GLMN: variants seen among roughly 807,000 people sequenced by gnomAD.
GLMN encodes the protein glomulin, FKBP associated protein, also known as glomulin.
A neutral mutation model predicts 87.8 loss-of-function variants in GLMN; 75 were observed. That is an observed-to-expected ratio of 0.85 (90% confidence interval 0.71 to 1.04). The LOEUF (loss-of-function observed/expected upper bound fraction) is 1.04, where lower values mean the gene tolerates loss of function less well. Among genes scored for constraint, GLMN ranks in the 50% least tolerant of loss-of-function variants. GLMN has a pLI of 0.00. For missense variants in GLMN, 588 were observed against 658.8 expected (o/e 0.89, Z 1.18); for synonymous variants, 206 against 221.6 (o/e 0.93, Z 0.63).
chr1:92,277,647 C>G (rs1206996906), intron 7 of GLMN, among the ~76,000 whole-genome samples: 1 of 152,136 alleles, frequency 6.6e-6, no homozygotes, highest in African/African-American at 2.4e-5. Flanking sequence ...CATAATGAAG[C>G]CTCCATAAAA....
chr1:92,263,857 C>T (rs1183796079), intron 14 of GLMN, 125 bp from the exon 15 acceptor site: 32 of 698,810 alleles, frequency 4.6e-5, no homozygotes, highest in Middle Eastern at 7.1e-4. Context: ...CTTTAATTTC[C>T]GTACTTTCAT....
chr1:92,364,909 C>G, the GLMN span, among the ~76,000 whole-genome samples: 37 of 152,260 alleles, frequency 2.4e-4, no homozygotes, highest in Middle Eastern at 3.4e-3. Context: ...CTTCCCAGCT[C>G]CTACCAGATA....
chr1:92,291,422 A>G lies in GLMN; in HGVS notation c.281T>C (p.Val94Ala). 10 of 1,569,530 alleles carry G rather than the reference A, an allele frequency of 6.4e-6. No homozygotes were observed. Among genetic ancestry groups the G allele is most frequent in the Non-Finnish European group, 8.8e-6 (10 of 1,139,482 alleles). Residue 94 changes from valine (V) to alanine (A), a missense_variant, in exon 4 of 19, where the codon GTA becomes GCA. Coordinates refer to ENST00000370360, the MANE Select transcript of GLMN (RefSeq NM_053274.3). ...AACCTTGTTTTGTTAACTTACCTTT[A>G]CCAATAAATCAAAGATCAAAAAATA... ...KVYFLIFDLL[V>A]KLCNPKELLL...
chr1:92,285,585 C>T (rs1386876231), intron 7 of GLMN, among the ~76,000 whole-genome samples: 2 of 152,158 alleles, frequency 1.3e-5, no homozygotes, highest in Non-Finnish European at 2.9e-5. Flanking sequence ...GCACGTTGTG[C>T]ACATGTACCC....
chr1:92,307,322 A>G, the GLMN span: 1 of 1,316,310 alleles, frequency 7.6e-7, no homozygotes, highest in Non-Finnish European at 1.1e-6. Context: ...ATATTCTAAT[A>G]ATTTGTTTCT....
At chr1:92,338,251 G>A in the GLMN span, among the ~76,000 whole-genome samples, 1 of 152,074 alleles carries the variant, frequency 6.6e-6, no homozygotes, top group Non-Finnish European at 1.5e-5. Context: ...CCCTCATTAG[G>A]TGTCATGAAA....
intron 16 of GLMN, among the ~76,000 whole-genome samples, chr1:92,252,567 G>C (rs1305200938): frequency 1.3e-5 from 2 of 152,130 alleles, no homozygotes; most frequent in Non-Finnish European, 2.9e-5. Flanking sequence ...GTAGCCTAAA[G>C]AAATTTTTTA....
Position 92,297,503 on chromosome 1 carries a change from T to C in GLMN, c.66A>G (p.Lys22=). ...RCQILEEQDF[K]EEDFGLFQLA... ...ACTGAAATAGGCCAAAATCCTCTTC[T>C]TTAAAGTCTTGCTCTTCTAGGATTT... is the stretch of plus-strand genomic sequence containing the variant. The change falls in exon 3 of 19, where the codon AAA becomes AAG. Residue 22 remains lysine (K), a synonymous_variant. Transcript: ENST00000370360. The C allele has an allele frequency of 6.2e-7, 1 of 1,612,290 alleles. No individual in the cohort carries two copies. Among genetic ancestry groups the C allele is most frequent in the African/African-American group, 1.3e-5 (1 of 74,624 alleles).
At chr1:92,324,354 C>G in the GLMN span, 1 of 1,612,932 alleles carries the variant, frequency 6.2e-7, no homozygotes, top group Non-Finnish European at 8.5e-7. Context: ...AAGAAACCAC[C>G]AAATCACAAG....
At chr1:92,253,957 TAACA>T (rs1274317991) in intron 16 of GLMN, among the ~76,000 whole-genome samples, 3 of 152,060 alleles carry the variant, frequency 2.0e-5, no homozygotes, top group Admixed American at 1.3e-4. Flanking sequence ...AGTTGAGTAA[TAACA>T]AACTCCTCCA....
At chr1:92,268,186 G>T in intron 9 of GLMN, 51 bp from the exon 10 acceptor site, 1 of 965,266 alleles carries the variant, frequency 1.0e-6, no homozygotes, top group South Asian at 1.4e-5. Flanking sequence ...ATTTTAGAAT[G>T]ATACTTCATC....
chr1:92,329,078 A>AT, the GLMN span, among the ~76,000 whole-genome samples: 1 of 151,838 alleles, frequency 6.6e-6, no homozygotes, highest in Non-Finnish European at 1.5e-5. Context: ...CCTTAATTGT[A>AT]TTTTTTTTAA....
intron 5 of GLMN, 118 bp from the exon 6 acceptor site, chr1:92,289,269 G>A (rs1649129100): frequency 1.3e-6 from 1 of 761,836 alleles, no homozygotes; most frequent in East Asian, 2.4e-5. Context: ...CTTGAATCAA[G>A]ATGACACATC....
intron 5 of GLMN, among the ~76,000 whole-genome samples, 157 bp from the exon 6 acceptor site, chr1:92,289,308 C>T (rs1345117051): frequency 6.6e-6 from 1 of 152,030 alleles, no homozygotes; most frequent in Non-Finnish European, 1.5e-5. Context: ...TTTTTTTCTT[C>T]TTAGTTGTGC....
In GLMN at chr1:92,247,746, T is replaced by C; in HGVS notation, c.1585+132A>G. The C allele has an allele frequency of 1.1e-5, 7 of 620,200 alleles. No homozygotes were observed. The South Asian group carries it at 1.3e-4, about 11-fold the overall frequency. 38.4% of individuals were successfully genotyped at this position (620,200 alleles called of 1,614,324 possible). On this transcript the variant is annotated intron_variant, in intron 17 of 18. Coordinates refer to ENST00000370360, the MANE Select transcript of GLMN (RefSeq NM_053274.3). ...ATAGATCTGCTAAGAATTTTAACTA[T>C]AAATAAAATGGCTTAGCTGTTATGG...
intron 11 of GLMN, 26 bp from the exon 12 acceptor site, chr1:92,266,767 A>G: frequency 2.7e-6 from 4 of 1,483,610 alleles, no homozygotes; most frequent in Non-Finnish European, 3.8e-6. Flanking sequence ...TGTAAAATTC[A>G]GATGTAAACA....
the GLMN span, among the ~76,000 whole-genome samples, chr1:92,342,100 A>G: frequency 2.6e-5 from 4 of 152,228 alleles, no homozygotes; most frequent in African/African-American, 4.8e-5. Context: ...TTACATTCTA[A>G]TAGAGGGAGT....
chr1:92,335,059 C>T, the GLMN span, among the ~76,000 whole-genome samples: 5 of 152,020 alleles, frequency 3.3e-5, no homozygotes, highest in African/African-American at 1.2e-4. Context: ...AGTGGAGGAT[C>T]GCTTGAGCAC....
intron 16 of GLMN, among the ~76,000 whole-genome samples, chr1:92,255,544 G>GA (rs1355100498): frequency 6.6e-6 from 1 of 152,154 alleles, no homozygotes; most frequent in African/African-American, 2.4e-5. Flanking sequence ...CAAAAGAACA[G>GA]AAATTGTAAC....
Sources: gnomAD v4.1 joint callset for allele counts (sites outside exome capture counted in the v4.1 genomes callset) on GRCh38, gnomAD v4.1.1 for gene constraint, MANE v1.5 for transcripts, NCBI Gene and HGNC (gene_info 2026-07-23, HGNC 2026-07-21) for gene names.